Variants in LRRTM4 observed in about 807,000 individuals in gnomAD.
The protein encoded by LRRTM4 is leucine rich repeat transmembrane neuronal 4, also known as leucine-rich repeat transmembrane neuronal protein 4.
Under a neutral mutation model 47.6 loss-of-function variants are expected in LRRTM4, and 25 were observed. That is an observed-to-expected ratio of 0.53 (90% CI 0.38 to 0.73). The LOEUF is 0.73. LRRTM4 is among the 30% of genes least tolerant of loss of function. The probability of loss-of-function intolerance (pLI) is 0.00; values close to 1 mark genes in which losing one functional copy is unlikely to be tolerated. For synonymous variants in LRRTM4, 311 were observed against 269.5 expected, an observed-to-expected ratio of 1.15 and a Z score of -1.51; for missense variants, 638 against 713.4, an observed-to-expected ratio of 0.89 and a Z score of 1.20.
chr2:76,791,846 G>C (rs1298723097), intron 3 of LRRTM4, among the ~76,000 whole-genome samples: 1 of 152,136 alleles, frequency 6.6e-6, no homozygotes, highest in Non-Finnish European at 1.5e-5. Flanking sequence ...ATTGTAATAA[G>C]CTAGTTTCCA....
At chr2:77,293,039 C>G (rs1236915469) in intron 3 of LRRTM4, among the ~76,000 whole-genome samples, 1 of 151,722 alleles carries the variant, frequency 6.6e-6, no homozygotes, top group Non-Finnish European at 1.5e-5. Context: ...TTCAGTTTGA[C>G]ATAAAATCAG....
intron 3 of LRRTM4, among the ~76,000 whole-genome samples, chr2:77,113,039 T>A (rs975467044): frequency 3.3e-5 from 5 of 152,140 alleles, no homozygotes; most frequent in Admixed American, 6.5e-5. Context: ...CAGTAGGAGC[T>A]TGGCCTGGGG....
intron 3 of LRRTM4, among the ~76,000 whole-genome samples, chr2:76,803,740 G>A (rs893771684): frequency 6.6e-6 from 1 of 152,118 alleles, no homozygotes; most frequent in Non-Finnish European, 1.5e-5. Flanking sequence ...GTTAACACTT[G>A]GCTGGCATCT....
chr2:77,193,064 G>A (rs1172308110), intron 3 of LRRTM4, among the ~76,000 whole-genome samples: 1 of 152,174 alleles, frequency 6.6e-6, no homozygotes, highest in Non-Finnish European at 1.5e-5. Context: ...CTACTGCTTA[G>A]TGACATAGCC....
intron 3 of LRRTM4, among the ~76,000 whole-genome samples, chr2:76,807,457 T>TAC (rs1200705518): frequency 8.5e-5 from 8 of 94,212 alleles, no homozygotes; most frequent in Admixed American, 2.7e-4. Context: ...TATATATATA[T>TAC]ACATATATAT....
intron 3 of LRRTM4, among the ~76,000 whole-genome samples, chr2:77,430,139 C>T (rs1399096123): frequency 6.6e-6 from 1 of 151,980 alleles, no homozygotes; most frequent in African/African-American, 2.4e-5. Flanking sequence ...TTGAAACATG[C>T]AAGAATGGAT....
In LRRTM4 at chr2:77,522,263, T is replaced by A; in HGVS notation, c.-302A>T. The A allele has an allele frequency of 1.7e-6, 1 of 597,944 alleles. No individual in the cohort carries two copies. The highest frequency in any genetic ancestry group is 3.0e-6 in the Non-Finnish European group (1 of 331,850). 37.0% of individuals were successfully genotyped at this position (597,944 alleles called of 1,614,324 possible). A position where few individuals can be genotyped will look rare whatever the true frequency, so the allele number is the denominator to read the frequency against. ...GGTTTATCCATTTAGCTGGTCAGGT[T>A]TAAAGTGTTTTGTAGCTGTGCTGGG... is the stretch of plus-strand genomic sequence containing the variant. On this transcript the variant is annotated 5_prime_UTR_variant, in exon 1 of 4. Transcript: ENST00000409884.
In LRRTM4 at chr2:76,827,486, G is replaced by C. The variant is rs1390362602; in HGVS notation, c.1552-78570C>G. Among the ~76,000 whole-genome samples, 5 of 151,784 alleles carry C rather than the reference G, an allele frequency of 3.3e-5. No homozygotes were observed. The South Asian group carries it at 1.0e-3, about 31-fold the overall frequency. On this transcript the variant is annotated intron_variant, in intron 3 of 3. Transcript: ENST00000409884. ...CACTGTTTCCTGTGAATGCAACTCA[G>C]ATTTAATCTGAGGACCATATGGATG...
chr2:77,403,669 G>A (rs1457689009), intron 3 of LRRTM4, among the ~76,000 whole-genome samples: 1 of 151,628 alleles, frequency 6.6e-6, no homozygotes, highest in African/African-American at 2.4e-5. Flanking sequence ...AATTGAGGTG[G>A]GTCTTAGAAA....
At chr2:76,863,968 G>T (rs1327024979) in intron 3 of LRRTM4, among the ~76,000 whole-genome samples, 1 of 152,116 alleles carries the variant, frequency 6.6e-6, no homozygotes, top group Non-Finnish European at 1.5e-5. Flanking sequence ...GACCTAAAAA[G>T]ATTCAGACTA....
At chr2:77,215,882 T>A (rs1674421763) in intron 3 of LRRTM4, among the ~76,000 whole-genome samples, 1 of 152,178 alleles carries the variant, frequency 6.6e-6, no homozygotes, top group Non-Finnish European at 1.5e-5. Flanking sequence ...TGAGTATATG[T>A]TTATAAGTAT....
At position 76,802,374 on chromosome 2, in the gene LRRTM4, C is replaced by A. The variant is rs564611295; in HGVS notation, c.1552-53458G>T. On this transcript the variant is annotated intron_variant, in intron 3 of 3. Coordinates refer to ENST00000409884, the MANE Select transcript of LRRTM4 (RefSeq NM_001134745.3). ...GAAATCAAGAAAACTATTCCATTTACAATATCTACAAGATAGTCTTAGGAA... is the reference window on the plus strand; with the variant it reads ...GAAATCAAGAAAACTATTCCATTTAAAATATCTACAAGATAGTCTTAGGAA... Among the ~76,000 whole-genome samples the A allele has an allele frequency of 3.9e-5, 6 of 151,946 alleles. No individual in the cohort carries two copies. In the South Asian group the frequency reaches 1.0e-3, roughly 26 times the overall value.
At chr2:77,473,565 T>C (rs892991131) in intron 3 of LRRTM4, among the ~76,000 whole-genome samples, 7 of 152,100 alleles carry the variant, frequency 4.6e-5, no homozygotes, top group East Asian at 1.9e-4. Context: ...ATTGACCCAG[T>C]TGCAGCTTGA....
chr2:77,101,128 T>G (rs1311524025), intron 3 of LRRTM4, among the ~76,000 whole-genome samples: 1 of 152,062 alleles, frequency 6.6e-6, no homozygotes, highest in Non-Finnish European at 1.5e-5. Context: ...CTTTTTTAGT[T>G]AATCTTACCA....
intron 3 of LRRTM4, among the ~76,000 whole-genome samples, chr2:77,168,421 C>G (rs1672951308): frequency 6.6e-6 from 1 of 151,892 alleles, no homozygotes; most frequent in African/African-American, 2.4e-5. Context: ...TAGCTGCTTT[C>G]TTATTTATAC....
intron 3 of LRRTM4, among the ~76,000 whole-genome samples, chr2:77,021,891 T>C (rs1573462515): frequency 6.6e-6 from 1 of 152,220 alleles, no homozygotes; most frequent in South Asian, 2.1e-4. Flanking sequence ...TTAATTATGG[T>C]ATCTATCACC....
At chr2:77,182,746 C>A (rs551085027) in intron 3 of LRRTM4, among the ~76,000 whole-genome samples, 6 of 151,978 alleles carry the variant, frequency 3.9e-5, no homozygotes, top group Non-Finnish European at 8.8e-5. Flanking sequence ...CCCTGCCTTG[C>A]GCCAGTTTTC....
At chr2:77,011,370 T>C (rs1360377940) in intron 3 of LRRTM4, among the ~76,000 whole-genome samples, 4 of 152,060 alleles carry the variant, frequency 2.6e-5, no homozygotes, top group South Asian at 2.1e-4. Context: ...GGCTATCACA[T>C]TGGATAGAAT....
intron 3 of LRRTM4, among the ~76,000 whole-genome samples, chr2:77,155,484 T>A (rs2103794558): frequency 6.6e-6 from 1 of 151,934 alleles, no homozygotes; most frequent in Non-Finnish European, 1.5e-5. Context: ...CTTTAAACAT[T>A]TTCAGAAAAT....
Sources: gnomAD v4.1 joint callset for allele counts (sites outside exome capture counted in the v4.1 genomes callset) on GRCh38, gnomAD v4.1.1 for gene constraint, MANE v1.5 for transcripts, NCBI Gene and HGNC (gene_info 2026-07-23, HGNC 2026-07-21) for gene names.